Variants in EPHA8 observed in about 807,000 individuals in gnomAD.
The protein encoded by EPHA8 is EPH receptor A8, also known as ephrin type-A receptor 8.
Under a neutral mutation model 103.6 loss-of-function variants are expected in EPHA8, and 58 were observed. That is an observed-to-expected ratio of 0.56 (90% confidence interval 0.45 to 0.70). EPHA8 has a LOEUF of 0.70. Ranked by LOEUF, EPHA8 falls within the 30% of genes least tolerant of loss-of-function variation. EPHA8 has a pLI of 0.00. For missense variants in EPHA8, 1,304 were observed against 1,395.2 expected (o/e 0.93, Z 1.04); for synonymous variants, 559 against 572.5 (o/e 0.98, Z 0.34).
chr1:22,578,967 G>A (rs1240400127), intron 3 of EPHA8, among the ~76,000 whole-genome samples: 7 of 146,824 alleles, frequency 4.8e-5, no homozygotes, highest in African/African-American at 1.7e-4. Flanking sequence ...CCATGTGTAT[G>A]TTCATGTGTG....
In EPHA8 at chr1:22,597,946, C is replaced by A; in HGVS notation, c.2116+85C>A. 1 of 1,524,232 alleles carries A rather than the reference C, an allele frequency of 6.6e-7. No individual in the cohort carries two copies. The highest frequency in any genetic ancestry group is 8.9e-7 in the Non-Finnish European group (1 of 1,117,974). 94.4% of individuals were successfully genotyped at this position (1,524,232 alleles called of 1,614,324 possible). A position where few individuals can be genotyped will look rare whatever the true frequency, so the allele number is the denominator to read the frequency against. ...TGGGTCCATCCCCTCATCCATCCTGCTCTGCCCCACCTGACCCTGTCCTCT... is the reference window on the plus strand; with the variant it reads ...TGGGTCCATCCCCTCATCCATCCTGATCTGCCCCACCTGACCCTGTCCTCT... On this transcript the variant is annotated intron_variant, in intron 11 of 16. Transcript: ENST00000166244. The surrounding 1 kb of genome is among the most constrained non-coding windows in gnomAD (Gnocchi z 4.6).
chr1:22,588,321 A>C (rs1029802212), intron 4 of EPHA8, among the ~76,000 whole-genome samples: 3 of 151,634 alleles, frequency 2.0e-5, no homozygotes, highest in Admixed American at 2.0e-4. Context: ...TCTCTCTCCA[A>C]AGTCTTTGTG....
intron 3 of EPHA8, among the ~76,000 whole-genome samples, chr1:22,579,448 GTA>G (rs1236319554): frequency 4.6e-5 from 7 of 151,840 alleles, no homozygotes; most frequent in African/African-American, 1.7e-4. Flanking sequence ...GTGCATGAGT[GTA>G]TGTGTGCATG....
rs796756543 is a variant in EPHA8, at chr1:22,576,541, C to T, written c.484C>T (p.Arg162Trp). ...CTTCACAGGTGCCGACCTTGGTGTG[C>T]GGCGTCTCAAGCTCAACACGGAGGT... is the stretch of plus-strand genomic sequence containing the variant. ...ESFTGADLGV[R>W]RLKLNTEVRS... Residue 162 changes from arginine to tryptophan, a missense_variant, in exon 3 of 17, where the codon CGG becomes TGG. Coordinates refer to ENST00000166244, the MANE Select transcript of EPHA8 (RefSeq NM_020526.5). The surrounding 1 kb of genome is among the most constrained non-coding windows in gnomAD (Gnocchi z 4.8). The T allele has an allele frequency of 3.7e-6, 6 of 1,614,144 alleles. No individual in the cohort carries two copies. The highest frequency in any genetic ancestry group is 3.3e-5 in the Admixed American group (2 of 60,024).
At chr1:22,579,133 G>A (rs1432118692) in intron 3 of EPHA8, among the ~76,000 whole-genome samples, 5 of 140,570 alleles carry the variant, frequency 3.6e-5, no homozygotes, top group Admixed American at 1.4e-4. Context: ...ATGTGTGCAT[G>A]TGTGTGTGCA....
At chr1:22,599,162 C>T in intron 13 of EPHA8, 115 bp downstream of exon 13, 1 of 1,137,424 alleles carries the variant, frequency 8.8e-7, no homozygotes, top group Admixed American at 2.2e-5. Flanking sequence ...TTCGGGGTGG[C>T]CCTCAACCTG....
chr1:22,588,828 CAAAT>C, intron 4 of EPHA8, 39 bp from the exon 5 acceptor site: 3 of 1,534,814 alleles, frequency 2.0e-6, no homozygotes, highest in Non-Finnish European at 2.6e-6. Flanking sequence ...CAGGACAGCC[CAAAT>C]AAATAACCAC....
rs1216237071 is a variant in EPHA8, at chr1:22,589,103, C to A, written c.1212C>A (p.Ala404=). 1 of 1,613,664 alleles carries A rather than the reference C, an allele frequency of 6.2e-7. No homozygotes were observed. The highest frequency in any genetic ancestry group is 8.5e-7 in the Non-Finnish European group (1 of 1,179,946). ...GCCTGCTGGTGGCCAACCTGCTGGCCCACATGAACTACTCCTTCTGGATCG... is the reference window on the plus strand; with the variant it reads ...GCCTGCTGGTGGCCAACCTGCTGGCACACATGAACTACTCCTTCTGGATCG... ...QASLLVANLL[A]HMNYSFWIEA... is the part of the protein sequence containing the mutation. The change falls in exon 5 of 17, where the codon GCC becomes GCA. Residue 404 remains alanine, a synonymous_variant. Coordinates refer to ENST00000166244, the MANE Select transcript of EPHA8 (RefSeq NM_020526.5). The surrounding 1 kb of genome is among the most constrained non-coding windows in gnomAD (Gnocchi z 4.3).
At position 22,600,605 on chromosome 1, in the gene EPHA8, C is replaced by T. The variant is rs566226241; in HGVS notation, c.2389-56C>T. On this transcript the variant is annotated intron_variant, in intron 13 of 16. Coordinates refer to ENST00000166244, the MANE Select transcript of EPHA8 (RefSeq NM_020526.5). ...GTTTAGCTCTCTGACTCAGACGGCT[C>T]GGGGGACACCCTGCCAGGCCTGGGC... The T allele has an allele frequency of 2.0e-5, 32 of 1,598,334 alleles. No individual in the cohort carries two copies. In the African/African-American group the frequency reaches 3.6e-4, roughly 18 times the overall value.
rs76452513 is a variant in EPHA8 at position 22,589,365 on chromosome 1, C to T, written c.1315+159C>T. Reference sequence around the variant, plus strand: ...TCACCAGGACCCAGAGCTGGAGGCTCTTCATTGCCTTTAGAAAAGTGGAAC... The same window carrying T: ...TCACCAGGACCCAGAGCTGGAGGCTTTTCATTGCCTTTAGAAAAGTGGAAC... On this transcript the variant is annotated intron_variant, in intron 5 of 16. Transcript: ENST00000166244. This position sits in a 1 kb window ranked among gnomAD's most constrained non-coding sequence, Gnocchi z 4.3. 119,557 of 1,556,998 alleles carry T rather than the reference C, an allele frequency of 0.077. 5,151 individuals are homozygous for T. The highest frequency in any genetic ancestry group is 0.18 in the South Asian group (15,149 of 84,834).
intron 3 of EPHA8, among the ~76,000 whole-genome samples, chr1:22,585,859 C>T (rs188354199): frequency 1.3e-5 from 2 of 152,306 alleles, no homozygotes; most frequent in African/African-American, 4.8e-5. Context: ...CAGGTACCGG[C>T]CCTGGCTCTT....
chr1:22,578,313 TATGTATGC>T (rs1231081825), intron 3 of EPHA8, among the ~76,000 whole-genome samples: 1 of 150,604 alleles, frequency 6.6e-6, no homozygotes, highest in African/African-American at 2.5e-5. Flanking sequence ...CCTGTGTGCA[TATGTATGC>T]ATGTGTGCAT....
chr1:22,571,858 G>A (rs1275084876), intron 2 of EPHA8, among the ~76,000 whole-genome samples: 1 of 152,060 alleles, frequency 6.6e-6, no homozygotes, highest in East Asian at 1.9e-4. Context: ...GCAACATAGT[G>A]AGACCCTTTC....
At chr1:22,596,242 G>A in intron 9 of EPHA8, 69 bp downstream of exon 9, 1 of 1,495,460 alleles carries the variant, frequency 6.7e-7, no homozygotes, top group Non-Finnish European at 9.3e-7. Flanking sequence ...TGGACTGGGG[G>A]TGGCACAGAT....
At chr1:22,564,870 G>A (rs1640312511) in intron 1 of EPHA8, among the ~76,000 whole-genome samples, 1 of 152,268 alleles carries the variant, frequency 6.6e-6, no homozygotes, top group Non-Finnish European at 1.5e-5. Context: ...ACTTCCAGGT[G>A]TAAGCGAACT....
Position 22,586,600 on chromosome 1 carries a change from G to T in EPHA8, c.944G>T (p.Arg315Leu). The T allele has an allele frequency of 6.2e-7, 1 of 1,613,856 alleles. No individual in the cohort carries two copies. Among genetic ancestry groups the T allele is most frequent in the Non-Finnish European group, 8.5e-7 (1 of 1,179,948 alleles). Residue 315 changes from arginine (R) to leucine (L), a missense_variant, in exon 4 of 17, where the codon CGT becomes CTT. Coordinates refer to ENST00000166244, the MANE Select transcript of EPHA8 (RefSeq NM_020526.5). ...QACHCDLSYY[R>L]AALDPPSSAC... is the part of the protein sequence containing the mutation. ...TGCCACTGTGACCTCAGCTACTACC[G>T]TGCAGCCCTGGACCCGCCGTCCTCA...
Position 22,598,722 on chromosome 1 carries a change from G to A in EPHA8, c.2179-116G>A, listed in dbSNP as rs1429837271. 1.9e-5 allele frequency: 20 copies of A among 1,049,972 alleles called. No individual in the cohort carries two copies. Among genetic ancestry groups the A allele is most frequent in the Non-Finnish European group, 2.8e-5 (20 of 722,496 alleles). 65.0% of individuals were successfully genotyped at this position (1,049,972 alleles called of 1,614,324 possible). A position where few individuals can be genotyped will look rare whatever the true frequency, so the allele number is the denominator to read the frequency against. ...TGCTTCAGAAGTAGTGGCGCACTTG[G>A]CAAATTGCAAAGCACCGTCTCAACT... On this transcript the variant is annotated intron_variant, in intron 12 of 16. Transcript: ENST00000166244. This position sits in a 1 kb window ranked among gnomAD's most constrained non-coding sequence, Gnocchi z 5.1.
chr1:22,595,238 T>G lies in EPHA8; in HGVS notation c.1612T>G (p.Tyr538Asp), dbSNP rs780142938. ...CTGGCTTTCCCCTGCAGGGCCCCGC[T>G]ATGACACCAGGACCATTGTCTGGAT... ...EVETGKPRPRYDTRTIVWICL... is the reference protein window; with the variant it reads ...EVETGKPRPRDDTRTIVWICL... Residue 538 changes from tyrosine to aspartate, a missense_variant, in exon 8 of 17, where the codon TAT (tyrosine) becomes GAT (aspartate). Physicochemically the swap from Tyr to Asp is radical, Grantham distance 160. Transcript: ENST00000166244. 6.2e-7 allele frequency: 1 copy of G among 1,610,266 alleles called. No homozygotes were observed. The highest frequency in any genetic ancestry group is 1.3e-5 in the African/African-American group (1 of 74,924).
rs887313725 is a variant in EPHA8 at position 22,602,179 on chromosome 1, C to T, written c.*438C>T. On this transcript the variant is annotated 3_prime_UTR_variant, in exon 17 of 17. Transcript: ENST00000166244. Reference sequence around the variant, plus strand: ...TGCATGTTATGAGCGTGTGCTTATCCGTTAAGGCTGGAGGCACATGTGGGT... The same window carrying T: ...TGCATGTTATGAGCGTGTGCTTATCTGTTAAGGCTGGAGGCACATGTGGGT... 2.8e-5 allele frequency: 6 copies of T among 213,216 alleles called. No homozygotes were observed. The highest frequency in any genetic ancestry group is 9.5e-5 in the African/African-American group (4 of 42,014). 13.2% of individuals were successfully genotyped at this position (213,216 alleles called of 1,614,324 possible).
Sources: gnomAD v4.1 joint callset for allele counts (sites outside exome capture counted in the v4.1 genomes callset) on GRCh38, gnomAD v4.1.1 for gene constraint, Gnocchi (gnomAD v3.1) non-coding constraint, MANE v1.5 for transcripts, NCBI Gene and HGNC (gene_info 2026-07-23, HGNC 2026-07-21) for gene names.